Variants in TFAP2A observed in about 807,000 individuals in gnomAD.
The protein encoded by TFAP2A is transcription factor AP-2 alpha.
In TFAP2A, 7 loss-of-function variants were observed where a neutral mutation model predicts 41.5. That is an observed-to-expected ratio of 0.17 (90% CI 0.10 to 0.32). The LOEUF (loss-of-function observed/expected upper bound fraction) is 0.32, where lower values mean the gene tolerates loss of function less well. Among genes scored for constraint, TFAP2A ranks in the 10% least tolerant of loss-of-function variants. The pLI, the probability that TFAP2A is intolerant of heterozygous loss-of-function variation, is 1.00. For missense variants in TFAP2A, 416 were observed against 563.3 expected, an observed-to-expected ratio of 0.74 and a Z score of 2.65; for synonymous variants, 247 against 242.8, an observed-to-expected ratio of 1.02 and a Z score of -0.16.
upstream of TFAP2A, chr6:10,419,585 G>T: frequency 8.5e-7 from 1 of 1,175,984 alleles, no homozygotes; most frequent in Non-Finnish European, 1.3e-6. Flanking sequence ...GTCATAAAGA[G>T]CTGGGTTGCT....
At chr6:10,406,525 T>TC in intron 3 of TFAP2A, 1 of 521,214 alleles carries the variant, frequency 1.9e-6, no homozygotes, top group East Asian at 3.4e-5. Context: ...CCAAATCAGT[T>TC]CAACTACTGT....
intron 1 of TFAP2A, chr6:10,411,927 C>A (rs539202570): frequency 2.1e-5 from 25 of 1,189,278 alleles, no homozygotes; most frequent in Non-Finnish European, 2.5e-5. Context: ...TGGGTGCGTG[C>A]GTGTTCCTTA....
At chr6:10,409,758 A>G (rs1293194211) in intron 2 of TFAP2A, 143 bp downstream of exon 2, 13 of 1,041,354 alleles carry the variant, frequency 1.2e-5, no homozygotes, top group Non-Finnish European at 1.8e-5. Context: ...AACGTCCCTC[A>G]CTCTCCGCCT....
chr6:10,405,132 A>C, intron 3 of TFAP2A: 3 of 197,698 alleles, frequency 1.5e-5, no homozygotes, highest in African/African-American at 2.3e-5. Flanking sequence ...AGGGAATTAC[A>C]TTTGCAAACC....
chr6:10,415,714 C>G (rs1758217524), upstream of TFAP2A: 2 of 152,710 alleles, frequency 1.3e-5, no homozygotes, highest in African/African-American at 4.8e-5. Context: ...AACATAACCA[C>G]CAAACCAAGA....
rs2114014597 is a variant in TFAP2A at position 10,404,628 on chromosome 6, G to A, written c.650C>T (p.Pro217Leu). The A allele has an allele frequency of 6.2e-7, 1 of 1,614,172 alleles. No homozygotes were observed. The highest frequency in any genetic ancestry group is 8.5e-7 in the Non-Finnish European group (1 of 1,180,012). The change falls in exon 4 of 7, where the codon CCG becomes CTG. Residue 217 changes from proline to leucine, a missense_variant. By Grantham distance (98) the Pro-to-Leu change is moderately conservative. Transcript: ENST00000379613. ...VNPNEVFCSV[P>L]GRLSLLSSTS... ...GGAGCTGAGGAGCGAGAGGCGACCC[G>A]GAACTGAACAGAAGACTTCGTTGGG...
chr6:10,413,773 C>T (rs1758109868), intron 1 of TFAP2A, among the ~76,000 whole-genome samples: 1 of 152,116 alleles, frequency 6.6e-6, no homozygotes, highest in African/African-American at 2.4e-5. Flanking sequence ...TCACATAAAC[C>T]CAATTTCTGG....
At chr6:10,415,142 G>C (rs951963481), upstream of TFAP2A, 12 of 1,542,818 alleles carry the variant, frequency 7.8e-6, no homozygotes, top group East Asian at 2.9e-4. Context: ...AGGGAGAGGA[G>C]GAGGGCAAGG....
chr6:10,402,639 AT>A, intron 4 of TFAP2A, 29 bp from the exon 5 acceptor site: 1 of 1,529,498 alleles, frequency 6.5e-7, no homozygotes. Flanking sequence ...CGAGAAAGGG[AT>A]TTAGAAAACA....
At position 10,398,579 on chromosome 6, in the gene TFAP2A, G is replaced by A. The variant is rs935971227; in HGVS notation, c.1158C>T (p.His386=). The A allele has an allele frequency of 1.2e-6, 2 of 1,614,146 alleles. No individual in the cohort carries two copies. The highest frequency in any genetic ancestry group is 2.7e-5 in the African/African-American group (2 of 74,944). Residue 386 remains histidine, a synonymous_variant, in exon 7 of 7, where the codon CAC becomes CAT. Transcript: ENST00000379613. This position sits in a 1 kb window ranked among gnomAD's most constrained non-coding sequence, Gnocchi z 5.3. ...CACACACCGCGGGGCTGCCGAAGCC[G>A]TGGGAGATGAGGTTGAAGTGGGTCA... is the stretch of plus-strand genomic sequence containing the variant. ...SCLTHFNLIS[H]GFGSPAVCAA...
rs959585206 is a variant in TFAP2A at position 10,398,820 on chromosome 6, T to G, written c.1032-115A>C. The G allele has an allele frequency of 5.5e-6, 7 of 1,270,344 alleles. No homozygotes were observed. Among genetic ancestry groups the G allele is most frequent in the Admixed American group, 2.1e-5 (1 of 47,074 alleles). The allele number at this position is 1,270,344 out of a possible 1,614,324, so 78.7% of individuals were successfully genotyped here. ...CCTCTGCCGGGATCCAGCCGGTACC[T>G]GACATGACCCAAGACCCCAGAGACA... On this transcript the variant is annotated intron_variant, in intron 6 of 6. Transcript: ENST00000379613. The surrounding 1 kb of genome is among the most constrained non-coding windows in gnomAD (Gnocchi z 5.3).
intron 5 of TFAP2A, chr6:10,400,851 C>T: frequency 1.5e-6 from 1 of 652,634 alleles, no homozygotes; most frequent in East Asian, 3.1e-5. Context: ...AGTCCCATCC[C>T]CCACCCTAAA....
intron 1 of TFAP2A, chr6:10,412,311 GAA>G (rs1239761817): frequency 4.5e-5 from 44 of 985,370 alleles, no homozygotes; most frequent in Non-Finnish European, 5.2e-5. Flanking sequence ...AAGTGAAAGA[GAA>G]AGAGGCAGAG....
upstream of TFAP2A, chr6:10,415,148 C>A: frequency 6.6e-7 from 1 of 1,510,674 alleles, no homozygotes; most frequent in South Asian, 1.2e-5. Context: ...AGGAGGAGGG[C>A]AAGGAGGAGG....
At chr6:10,409,658 G>A in intron 2 of TFAP2A, 1 of 553,002 alleles carries the variant, frequency 1.8e-6, no homozygotes, top group South Asian at 2.1e-5. Flanking sequence ...ATCTGTGTTG[G>A]TGGAAATGGT....
intron 2 of TFAP2A, among the ~76,000 whole-genome samples, chr6:10,408,220 AC>A (rs1757801826): frequency 6.6e-6 from 1 of 152,198 alleles, no homozygotes; most frequent in African/African-American, 2.4e-5. Context: ...CTTTTTCTTG[AC>A]CCAAATTCCT....
Position 10,398,604 on chromosome 6 carries a change from A to G in TFAP2A, c.1133T>C (p.Leu378Ser). 6.2e-7 allele frequency: 1 copy of G among 1,614,188 alleles called. No individual in the cohort carries two copies. Among genetic ancestry groups the G allele is most frequent in the Non-Finnish European group, 8.5e-7 (1 of 1,180,022 alleles). The change falls in exon 7 of 7, where the codon TTG (leucine) becomes TCG (serine). Residue 378 changes from leucine to serine, a missense_variant. Leu to Ser is a moderately radical substitution (Grantham distance 145). This residue lies in a region of TFAP2A where 116 missense variants were observed against 153.8 expected (regional missense o/e 0.75). Transcript: ENST00000379613. This position sits in a 1 kb window ranked among gnomAD's most constrained non-coding sequence, Gnocchi z 5.3. ...PILEPGIQSC[L>S]THFNLISHGF... Reference sequence around the variant, plus strand: ...GTGGGAGATGAGGTTGAAGTGGGTCAAGCAGCTCTGGATGCCGGGCTCCAG... The same window carrying G: ...GTGGGAGATGAGGTTGAAGTGGGTCGAGCAGCTCTGGATGCCGGGCTCCAG...
Position 10,398,766 on chromosome 6 carries a change from CAA to C in TFAP2A, c.1032-63_1032-62del. The C allele has an allele frequency of 1.3e-6, 2 of 1,586,634 alleles. No homozygotes were observed. Among genetic ancestry groups the C allele is most frequent in the Non-Finnish European group, 1.7e-6 (2 of 1,163,082 alleles). ...GCTCCACTATGGGCAGCACTAGCAG[CAA>C]AGAGAAAACCTCCCTCCCTGCAGCT... On this transcript the variant is annotated intron_variant, in intron 6 of 6. Transcript: ENST00000379613. This position sits in a 1 kb window ranked among gnomAD's most constrained non-coding sequence, Gnocchi z 5.3.
intron 3 of TFAP2A, chr6:10,405,482 ATACTT>A (rs1269554352): frequency 1.3e-5 from 2 of 152,168 alleles, no homozygotes; most frequent in African/African-American, 2.4e-5. Context: ...TGTTAAGTAA[ATACTT>A]AACAGTCCTC....
Sources: gnomAD v4.1 joint callset for allele counts (sites outside exome capture counted in the v4.1 genomes callset) on GRCh38, gnomAD v4.1.1 for gene constraint, gnomAD v4.1.1 regional missense constraint, Gnocchi (gnomAD v3.1) non-coding constraint, MANE v1.5 for transcripts, NCBI Gene and HGNC (gene_info 2026-07-23, HGNC 2026-07-21) for gene names.